Variants in HTR1E observed in about 807,000 individuals in gnomAD.
HTR1E encodes 5-hydroxytryptamine receptor 1E, also known as 5-HT-1E.
HTR1E carries 3 observed loss-of-function variants against 3.4 expected under a neutral mutation model. The ratio of observed to expected loss-of-function variants is 0.89; its 90% confidence interval spans 0.41 to 2.31. HTR1E has a LOEUF of 2.31. Ranked by LOEUF, HTR1E falls within the 30% of genes most tolerant of loss-of-function variation. HTR1E has a pLI of 0.05. For missense variants in HTR1E, 392 were observed against 467.0 expected (o/e 0.84, Z 1.48); for synonymous variants, 170 against 182.8 (o/e 0.93, Z 0.56).
intron 1 of HTR1E, among the ~76,000 whole-genome samples, chr6:86,973,445 C>T (rs1277537110): frequency 1.3e-5 from 2 of 151,904 alleles, no homozygotes; most frequent in East Asian, 1.9e-4. Flanking sequence ...AGCTATACCC[C>T]GCTCCATAAC....
intron 1 of HTR1E, among the ~76,000 whole-genome samples, chr6:87,006,310 G>T (rs1768107356): frequency 6.6e-6 from 1 of 152,176 alleles, no homozygotes. Context: ...TTATAGCTAA[G>T]ATTTGGAAGC....
chr6:86,968,061 C>A (rs909729339), intron 1 of HTR1E, among the ~76,000 whole-genome samples: 1 of 152,190 alleles, frequency 6.6e-6, no homozygotes, highest in Non-Finnish European at 1.5e-5. Flanking sequence ...ATACAGTTTA[C>A]ACATGTGGTA....
chr6:86,966,124 G>A (rs926872359), intron 1 of HTR1E, among the ~76,000 whole-genome samples: 1 of 151,932 alleles, frequency 6.6e-6, no homozygotes, highest in Non-Finnish European at 1.5e-5. Context: ...GAAAGGATGG[G>A]TGGTTTCAAA....
At chr6:86,938,664 G>T (rs1768504694) in intron 1 of HTR1E, among the ~76,000 whole-genome samples, 1 of 152,172 alleles carries the variant, frequency 6.6e-6, no homozygotes, top group African/African-American at 2.4e-5. Flanking sequence ...GCATCCCAAG[G>T]TGTTTCTTCC....
At chr6:86,992,031 A>G (rs796609216) in intron 1 of HTR1E, among the ~76,000 whole-genome samples, 15 of 152,186 alleles carry the variant, frequency 9.9e-5, no homozygotes, top group African/African-American at 3.6e-4. Context: ...CACTCAGGCC[A>G]TCCTCTACTT....
In HTR1E at chr6:87,015,843, C is replaced by T. The variant is rs777176389; in HGVS notation, c.509C>T (p.Pro170Leu). The T allele has an allele frequency of 3.1e-6, 5 of 1,613,730 alleles. No homozygotes were observed. The highest frequency in any genetic ancestry group is 4.2e-6 in the Non-Finnish European group (5 of 1,179,784). The change falls in exon 2 of 2, where the codon CCT becomes CTT. Residue 170 changes from proline (P) to leucine (L), a missense_variant. This residue lies in a region of HTR1E where 189 missense variants were observed against 258.0 expected (regional missense o/e 0.73). Coordinates refer to ENST00000305344, the MANE Select transcript of HTR1E (RefSeq NM_000865.3). ...WRSHRRLSPP[P>L]SQCTIQHDHV... Reference sequence around the variant, plus strand: ...AGCCACCGCCGCCTAAGCCCTCCCCCTAGTCAGTGCACCATCCAGCACGAC... The same window carrying T: ...AGCCACCGCCGCCTAAGCCCTCCCCTTAGTCAGTGCACCATCCAGCACGAC...
At chr6:87,001,980 G>C (rs1439413289) in intron 1 of HTR1E, among the ~76,000 whole-genome samples, 1 of 152,144 alleles carries the variant, frequency 6.6e-6, no homozygotes, top group Non-Finnish European at 1.5e-5. Context: ...AGTTATATCA[G>C]ACAAAATAGA....
At chr6:86,945,440 A>G (rs986931167) in intron 1 of HTR1E, among the ~76,000 whole-genome samples, 1 of 151,902 alleles carries the variant, frequency 6.6e-6, no homozygotes, top group South Asian at 2.1e-4. Flanking sequence ...ACGGGATTTC[A>G]CCATATTGGC....
At chr6:86,992,919 C>T (rs1767890933) in intron 1 of HTR1E, among the ~76,000 whole-genome samples, 1 of 152,104 alleles carries the variant, frequency 6.6e-6, no homozygotes, top group African/African-American at 2.4e-5. Flanking sequence ...CCATTCAATG[C>T]AAGTCAGTGG....
At chr6:86,974,828 C>T (rs774233180) in intron 1 of HTR1E, among the ~76,000 whole-genome samples, 2 of 152,128 alleles carry the variant, frequency 1.3e-5, no homozygotes, top group Non-Finnish European at 2.9e-5. Context: ...TTATTTTTAA[C>T]CTGAAATTGA....
intron 1 of HTR1E, among the ~76,000 whole-genome samples, chr6:87,010,593 G>A (rs1158672082): frequency 1.3e-4 from 19 of 144,346 alleles, no homozygotes; most frequent in Non-Finnish European, 2.7e-4. Flanking sequence ...ATGTGATGGC[G>A]GCTGGGAAGA....
At chr6:87,010,557 G>A (rs1313234096) in intron 1 of HTR1E, among the ~76,000 whole-genome samples, 6 of 140,134 alleles carry the variant, frequency 4.3e-5, no homozygotes, top group Non-Finnish European at 6.2e-5. Context: ...ATGGGCGGCC[G>A]GGCAGAGACG....
rs1374383937 is a variant in HTR1E at position 86,977,726 on chromosome 6, A to C, written c.-185-37424A>C. 3.9e-5 allele frequency among the ~76,000 whole-genome samples: 6 copies of C among 152,136 alleles called. No individual in the cohort carries two copies. The East Asian group carries it at 1.2e-3, about 29-fold the overall frequency. ...ACTTTTTAATATAATAGCCATTCTG[A>C]ATGAATGGCTGAAATGGTGTCTCAG... is the stretch of plus-strand genomic sequence containing the variant. On this transcript the variant is annotated intron_variant, in intron 1 of 1. Coordinates refer to ENST00000305344, the MANE Select transcript of HTR1E (RefSeq NM_000865.3).
At chr6:86,967,903 A>G (rs1767495054) in intron 1 of HTR1E, among the ~76,000 whole-genome samples, 1 of 152,176 alleles carries the variant, frequency 6.6e-6, no homozygotes, top group South Asian at 2.1e-4. Context: ...ATACTGAAGG[A>G]GAGGGGAGAG....
intron 1 of HTR1E, among the ~76,000 whole-genome samples, chr6:86,967,033 C>G (rs947109010): frequency 5.3e-5 from 8 of 152,022 alleles, no homozygotes; most frequent in Non-Finnish European, 1.0e-4. Context: ...TTTATCTCAG[C>G]CCCCATGTAC....
chr6:87,003,545 A>G (rs978647544), intron 1 of HTR1E, among the ~76,000 whole-genome samples: 1 of 151,922 alleles, frequency 6.6e-6, no homozygotes, highest in Non-Finnish European at 1.5e-5. Flanking sequence ...TCTCAAAAAA[A>G]AAAAAAGAAA....
chr6:86,954,182 C>G (rs921395374), intron 1 of HTR1E, among the ~76,000 whole-genome samples: 2 of 152,114 alleles, frequency 1.3e-5, no homozygotes, highest in Non-Finnish European at 2.9e-5. Context: ...TTTGTATAGC[C>G]AGACACCACA....
intron 1 of HTR1E, among the ~76,000 whole-genome samples, chr6:86,943,568 GATTC>G (rs1021547354): frequency 6.6e-6 from 1 of 152,192 alleles, no homozygotes; most frequent in African/African-American, 2.4e-5. Context: ...ATGCTATTGT[GATTC>G]ATTGTCACCT....
intron 1 of HTR1E, among the ~76,000 whole-genome samples, chr6:86,977,788 G>A (rs890253318): frequency 1.3e-5 from 2 of 152,082 alleles, no homozygotes; most frequent in Non-Finnish European, 2.9e-5. Flanking sequence ...TTATCATTTC[G>A]ATTTGCATTT....
Sources: allele counts gnomAD v4.1 joint callset (sites outside exome capture counted in the v4.1 genomes callset), GRCh38; gene constraint gnomAD v4.1.1; regional missense constraint gnomAD v4.1.1; transcripts MANE v1.5; gene names NCBI Gene and HGNC (gene_info 2026-07-23, HGNC 2026-07-21).